Variants in PFKFB3 observed in about 807,000 individuals in gnomAD.
PFKFB3 encodes 6-phosphofructo-2-kinase/fructose-2,6-biphosphatase 3.
Under a neutral mutation model 68.0 loss-of-function variants are expected in PFKFB3, and 33 were observed. The ratio of observed to expected loss-of-function variants is 0.49; its 90% CI spans 0.37 to 0.65. PFKFB3 has a LOEUF of 0.65. Ranked by LOEUF, PFKFB3 falls within the 30% of genes least tolerant of loss-of-function variation. The probability of loss-of-function intolerance (pLI) is 0.00; values close to 1 mark genes in which losing one functional copy is unlikely to be tolerated. For synonymous variants in PFKFB3, 315 were observed against 288.2 expected (o/e 1.09, Z -0.94); for missense variants, 586 against 712.2 (o/e 0.82, Z 2.02).
chr10:6,272,173 G>T, the PFKFB3 span, among the ~76,000 whole-genome samples: 2 of 152,208 alleles, frequency 1.3e-5, no homozygotes, highest in East Asian at 1.9e-4. Flanking sequence ...ACAGACAGGG[G>T]CTGTAACTGT....
rs1588551596 is a variant in PFKFB3 at position 6,233,030 on chromosome 10, C to A, written c.*88C>A. The A allele has an allele frequency of 1.6e-5, 17 of 1,037,638 alleles. No individual in the cohort carries two copies. The East Asian group carries it at 4.0e-4, about 25-fold the overall frequency. 64.3% of individuals were successfully genotyped at this position (1,037,638 alleles called of 1,614,324 possible). A position where few individuals can be genotyped will look rare whatever the true frequency, so the allele number is the denominator to read the frequency against. ...CCCGAGGCAAAACGTATCCTGAGGA[C>A]TTCTTCCGGAGAGGGTGGGGTGGAG... On this transcript the variant is annotated 3_prime_UTR_variant, in exon 15 of 15. Coordinates refer to ENST00000379775, the MANE Select transcript of PFKFB3 (RefSeq NM_004566.4).
At chr10:6,303,895 T>C in the PFKFB3 span, among the ~76,000 whole-genome samples, 1 of 151,876 alleles carries the variant, frequency 6.6e-6, no homozygotes, top group South Asian at 2.1e-4. Flanking sequence ...GAGTGAAGTG[T>C]CCCATCTCTT....
rs1331730369 is a variant in PFKFB3 at position 6,194,275 on chromosome 10, G to A, written c.17-19348G>A. On this transcript the variant is annotated intron_variant, in intron 1 of 14. Transcript: ENST00000379789. ...GACAAGCCTGGTTCATCACGGTTGA[G>A]TCTCTAAACCTAGATATGCAGAGGT... 1.1e-4 allele frequency among the ~76,000 whole-genome samples: 16 copies of A among 152,184 alleles called. 1 individual carries two copies. The highest frequency in any genetic ancestry group is 1.0e-3 in the Admixed American group (16 of 15,284).
At chr10:6,239,887 T>C (rs1846101429), downstream of PFKFB3, among the ~76,000 whole-genome samples, 1 of 152,204 alleles carries the variant, frequency 6.6e-6, no homozygotes, top group African/African-American at 2.4e-5. Context: ...TTGGCCAGGC[T>C]GATCTCGAAC....
At chr10:6,174,814 C>A (rs893233186) in intron 1 of PFKFB3, among the ~76,000 whole-genome samples, 2 of 121,992 alleles carry the variant, frequency 1.6e-5, no homozygotes. Flanking sequence ...TTGTTTCTTT[C>A]TTTAATTTTT....
At chr10:6,235,533 T>G (rs2132067456), downstream of PFKFB3, 1 of 152,472 alleles carries the variant, frequency 6.6e-6, no homozygotes, top group Middle Eastern at 3.4e-3. Flanking sequence ...TTGAAATACA[T>G]GGACGAAGTA....
downstream of PFKFB3, among the ~76,000 whole-genome samples, chr10:6,258,099 G>A (rs948900275): frequency 6.6e-6 from 1 of 152,208 alleles, no homozygotes; most frequent in African/African-American, 2.4e-5. Flanking sequence ...AGGAAGTAGA[G>A]TTCAAAGTAC....
At chr10:6,158,640 C>T (rs1489931623) in intron 1 of PFKFB3, among the ~76,000 whole-genome samples, 14 of 152,020 alleles carry the variant, frequency 9.2e-5, no homozygotes, top group Non-Finnish European at 7.4e-5. Flanking sequence ...CCTAGGCAGG[C>T]GGATCACCTG....
the PFKFB3 span, among the ~76,000 whole-genome samples, chr10:6,289,878 A>C: frequency 8.7e-3 from 1,319 of 151,546 alleles, 14 homozygotes; most frequent in African/African-American, 0.031. Flanking sequence ...CTTTTATTTC[A>C]TTGAGCAGTG....
chr10:6,277,846 C>T, the PFKFB3 span: 1 of 266,880 alleles, frequency 3.7e-6, no homozygotes. Context: ...ACTAATACAG[C>T]ATGTAACCTG....
At chr10:6,259,569 C>CCATCCATCCATCCAT (rs377560623), downstream of PFKFB3, among the ~76,000 whole-genome samples, 1 of 18,808 alleles carries the variant, frequency 5.3e-5, no homozygotes, top group Non-Finnish European at 2.1e-4. Context: ...CATCCATCCA[C>CCATCCATCCATCCAT]TCATCCATCC....
At chr10:6,273,896 G>C in the PFKFB3 span, among the ~76,000 whole-genome samples, 38 of 152,140 alleles carry the variant, frequency 2.5e-4, no homozygotes, top group African/African-American at 7.5e-4. Flanking sequence ...CCACCTTCCA[G>C]AATCAGGAGA....
rs1467354403 is a variant in PFKFB3 at position 6,154,579 on chromosome 10, C to A, written c.16+9566C>A. ...ATTAACGTGACACCATAAAACGTCT[C>A]CGCCACGGGTGGCTACTATCCTGAG... On this transcript the variant is annotated intron_variant, in intron 1 of 14. Coordinates refer to the PFKFB3 transcript ENST00000379789. This position sits in a 1 kb window ranked among gnomAD's most constrained non-coding sequence, Gnocchi z 4.6. Among the ~76,000 whole-genome samples, 2 of 152,150 alleles carry A rather than the reference C, an allele frequency of 1.3e-5. No homozygotes were observed. The highest frequency in any genetic ancestry group is 2.9e-5 in the Non-Finnish European group (2 of 68,026).
chr10:6,167,341 T>C (rs1161996594), intron 1 of PFKFB3, among the ~76,000 whole-genome samples: 1 of 152,230 alleles, frequency 6.6e-6, no homozygotes, highest in Non-Finnish European at 1.5e-5. Context: ...GTCCTCAGTG[T>C]CTGTCTGATA....
chr10:6,185,167 GAC>G (rs1056508881), intron 1 of PFKFB3, among the ~76,000 whole-genome samples: 51 of 152,328 alleles, frequency 3.3e-4, no homozygotes, highest in African/African-American at 1.2e-3. Context: ...GTGGCCTTGA[GAC>G]ACATCACTCT....
intron 14 of PFKFB3, among the ~76,000 whole-genome samples, chr10:6,242,641 G>A (rs1353807283): frequency 1.3e-5 from 2 of 151,848 alleles, no homozygotes; most frequent in Non-Finnish European, 2.9e-5. Flanking sequence ...AGGCTGGAGT[G>A]CAATGGTGTG....
At chr10:6,171,503 C>T (rs1437355555) in intron 1 of PFKFB3, among the ~76,000 whole-genome samples, 1 of 151,878 alleles carries the variant, frequency 6.6e-6, no homozygotes, top group Non-Finnish European at 1.5e-5. Flanking sequence ...TCAAGGAATC[C>T]TCCCGGCTCA....
At chr10:6,225,002 C>T (rs1381115192) in intron 13 of PFKFB3, among the ~76,000 whole-genome samples, 3 of 151,600 alleles carry the variant, frequency 2.0e-5, no homozygotes, top group African/African-American at 4.9e-5. Flanking sequence ...GGTGGGGAGG[C>T]GCTTCAGGAG....
intron 1 of PFKFB3, among the ~76,000 whole-genome samples, chr10:6,166,671 T>G (rs1239968709): frequency 3.3e-5 from 5 of 152,096 alleles, no homozygotes; most frequent in Non-Finnish European, 7.4e-5. Flanking sequence ...GGATCTTGAG[T>G]AGCACCTGTT....
Sources: gnomAD v4.1 joint callset for allele counts (sites outside exome capture counted in the v4.1 genomes callset) on GRCh38, gnomAD v4.1.1 for gene constraint, Gnocchi (gnomAD v3.1) non-coding constraint, MANE v1.5 for transcripts, NCBI Gene and HGNC (gene_info 2026-07-23, HGNC 2026-07-21) for gene names.